ATP7A: variants seen among roughly 807,000 people sequenced by gnomAD.
The protein encoded by ATP7A is copper-transporting ATPase 1.
A neutral mutation model predicts 83.5 loss-of-function variants in ATP7A; 7 were observed. The ratio of observed to expected loss-of-function variants is 0.08; its 90% CI spans 0.05 to 0.16. The LOEUF (loss-of-function observed/expected upper bound fraction) is 0.16, where lower values mean the gene tolerates loss of function less well. Ranked by LOEUF, ATP7A falls within the 10% of genes least tolerant of loss-of-function variation. The pLI, the probability that ATP7A is intolerant of heterozygous loss-of-function variation, is 1.00. For missense variants in ATP7A, 940 were observed against 1,120.8 expected (o/e 0.84, Z 2.30); for synonymous variants, 354 against 395.2 (o/e 0.90, Z 1.24).
chrX:77,969,687 A>G (rs1557229402), intron 1 of ATP7A: 1 of 1,195,349 alleles, frequency 8.4e-7, no homozygotes, highest in African/African-American at 1.8e-5. Context: ...AAAGGTACAA[A>G]AGGTTATACG....
chrX:78,034,354 T>G (rs927178317), intron 17 of ATP7A, among the ~76,000 whole-genome samples: 1 of 111,762 alleles, frequency 8.9e-6, no homozygotes, highest in Non-Finnish European at 1.9e-5. Flanking sequence ...TTAGCTTCTT[T>G]TCTTAAACAT....
chrX:77,928,393 T>C (rs2077254294), intron 1 of ATP7A, among the ~76,000 whole-genome samples: 1 of 75,467 alleles, frequency 1.3e-5, no homozygotes, highest in East Asian at 4.2e-4. Flanking sequence ...CCTGATTTAA[T>C]TATAACACAC....
intron 22 of ATP7A, 99 bp from the exon 23 acceptor site, chrX:78,046,195 C>T: frequency 1.0e-6 from 1 of 1,002,189 alleles, no homozygotes; most frequent in South Asian, 2.0e-5. Flanking sequence ...CATACCAAAA[C>T]TAAGTGTGGA....
At chrX:78,027,838 A>G (rs1185161053) in intron 14 of ATP7A, among the ~76,000 whole-genome samples, 1 of 110,619 alleles carries the variant, frequency 9.0e-6, no homozygotes, top group African/African-American at 3.3e-5. Context: ...AGCAATGGGG[A>G]AAGGACACCC....
At chrX:77,931,823 A>AC (rs1181260883) in intron 1 of ATP7A, among the ~76,000 whole-genome samples, 17 of 40,981 alleles carry the variant, frequency 4.1e-4, no homozygotes, top group South Asian at 3.2e-3. Flanking sequence ...CGGGGGGCTG[A>AC]CCCCCCCCAC....
At chrX:78,022,068 C>A (rs1480851509) in intron 14 of ATP7A, among the ~76,000 whole-genome samples, 3 of 111,837 alleles carry the variant, frequency 2.7e-5, no homozygotes, top group Non-Finnish European at 5.6e-5. Flanking sequence ...GTTAACAGGA[C>A]TCAATCTCAT....
At chrX:78,014,567 C>T in intron 10 of ATP7A, 95 bp from the exon 11 acceptor site, 1 of 640,036 alleles carries the variant, frequency 1.6e-6, no homozygotes, top group Non-Finnish European at 2.5e-6. Flanking sequence ...CTAAAGCTGT[C>T]TTTTGGGTAA....
intron 2 of ATP7A, among the ~76,000 whole-genome samples, chrX:77,984,395 TC>T (rs1380195368): frequency 2.7e-5 from 3 of 109,688 alleles, no homozygotes; most frequent in Non-Finnish European, 5.7e-5. Context: ...TGGTGCAATG[TC>T]GGCTCACTGC....
intron 1 of ATP7A, among the ~76,000 whole-genome samples, chrX:77,914,468 C>T (rs1466990939): frequency 2.7e-5 from 3 of 111,027 alleles, no homozygotes; most frequent in Non-Finnish European, 3.8e-5. Context: ...GGTGCTATCT[C>T]GGCTCACTGC....
At chrX:77,965,785 A>G (rs1557228662) in intron 1 of ATP7A, among the ~76,000 whole-genome samples, 1 of 112,452 alleles carries the variant, frequency 8.9e-6, no homozygotes, top group Non-Finnish European at 1.9e-5. Flanking sequence ...TGGTGTATCT[A>G]TGCAGTGGAA....
intron 1 of ATP7A, among the ~76,000 whole-genome samples, chrX:77,922,562 A>ACACCC (rs2077221855): frequency 9.0e-6 from 1 of 110,781 alleles, no homozygotes; most frequent in South Asian, 3.8e-4. Flanking sequence ...TTACATACAC[A>ACACCC]CACCCCACCC....
At chrX:77,986,135 T>A (rs1212172721) in intron 2 of ATP7A, among the ~76,000 whole-genome samples, 2 of 111,677 alleles carry the variant, frequency 1.8e-5, no homozygotes, top group Admixed American at 1.9e-4. Context: ...ATTTCCCCAC[T>A]TCTGTTTTGG....
chrX:77,942,612 A>AT (rs1406156152), intron 1 of ATP7A, among the ~76,000 whole-genome samples: 2 of 108,567 alleles, frequency 1.8e-5, no homozygotes, highest in African/African-American at 3.4e-5. Context: ...TGACTGGCTA[A>AT]TTTTTTTTAT....
At chrX:78,034,293 C>G (rs971398645) in intron 17 of ATP7A, among the ~76,000 whole-genome samples, 6 of 111,211 alleles carry the variant, frequency 5.4e-5, no homozygotes, top group African/African-American at 2.0e-4. Context: ...TCAGGGACCT[C>G]CCTCTTTCTG....
chrX:78,045,529 G>A lies in ATP7A; in HGVS notation c.4183G>A (p.Ala1395Thr). 2.5e-6 allele frequency: 3 copies of A among 1,211,311 alleles called. No individual in the cohort carries two copies. The highest frequency in any genetic ancestry group is 3.4e-6 in the Non-Finnish European group (3 of 895,107). ...CTGGATGGGATCTGCAGCAATGGCTGCTTCATCTGTTTCTGTAGTACTTTC... is the reference window on the plus strand; with the variant it reads ...CTGGATGGGATCTGCAGCAATGGCTACTTCATCTGTTTCTGTAGTACTTTC... ...QPWMGSAAMA[A>T]SSVSVVLSSL... The change falls in exon 22 of 23, where the codon GCT (alanine) becomes ACT (threonine). Residue 1395 changes from alanine to threonine, a missense_variant. Physicochemically the swap from Ala to Thr is moderately conservative, Grantham distance 58. Around this residue, in one of 3 missense-constraint regions of ATP7A, gnomAD observed 386 missense variants for 502.2 expected, o/e 0.77. Coordinates refer to ENST00000341514, the MANE Select transcript of ATP7A (RefSeq NM_000052.7).
At chrX:78,023,330 C>T in intron 14 of ATP7A, among the ~76,000 whole-genome samples, 2 of 112,207 alleles carry the variant, frequency 1.8e-5, no homozygotes, top group Middle Eastern at 9.2e-3. Context: ...AGTGGGATTG[C>T]TGGGTTAAAT....
intron 6 of ATP7A, 80 bp from the exon 7 acceptor site, chrX:78,009,017 CAAAAA>C: frequency 1.1e-4 from 89 of 802,734 alleles, no homozygotes; most frequent in Admixed American, 1.8e-4. Flanking sequence ...GACTCTGTCT[CAAAAA>C]AAAAAAAAAA....
chrX:78,046,901 G>T lies in ATP7A; in HGVS notation c.*331G>T, dbSNP rs2078087004. 1 of 186,620 alleles carries T rather than the reference G, an allele frequency of 5.4e-6. No homozygotes were observed. Among genetic ancestry groups the T allele is most frequent in the Admixed American group, 7.3e-5 (1 of 13,643 alleles). The allele number at this position is 186,620 out of a possible 1,213,427, so 15.4% of individuals were successfully genotyped here. A position where few individuals can be genotyped will look rare whatever the true frequency, so the allele number is the denominator to read the frequency against. ...TTTTTATTTGACCAAAAAAAAAAAG[G>T]CCCAAGAAGAAGAAAATGAAAAATT... On this transcript the variant is annotated 3_prime_UTR_variant, in exon 23 of 23. Transcript: ENST00000341514.
At chrX:78,037,876 A>G (rs1299942451) in intron 17 of ATP7A, among the ~76,000 whole-genome samples, 2 of 108,955 alleles carry the variant, frequency 1.8e-5, no homozygotes, top group Admixed American at 9.9e-5. Context: ...AGAACATGGG[A>G]AGATATGAAT....
Sources: gnomAD v4.1 joint callset for allele counts (sites outside exome capture counted in the v4.1 genomes callset) on GRCh38, gnomAD v4.1.1 for gene constraint, gnomAD v4.1.1 regional missense constraint, MANE v1.5 for transcripts, NCBI Gene and HGNC (gene_info 2026-07-23, HGNC 2026-07-21) for gene names.